The following TMEM117 variants were observed in gnomAD, a reference collection of about 807,000 sequenced individuals.
The protein encoded by TMEM117 is transmembrane protein 117.
A neutral mutation model predicts 52.4 loss-of-function variants in TMEM117; 27 were observed. That is an observed-to-expected ratio of 0.51 (90% CI 0.38 to 0.71). The LOEUF is 0.71. Among genes scored for constraint, TMEM117 ranks in the 30% least tolerant of loss-of-function variants. The pLI, the probability that TMEM117 is intolerant of heterozygous loss-of-function variation, is 0.00. For missense variants in TMEM117, 556 were observed against 630.5 expected (o/e 0.88, Z 1.26); for synonymous variants, 215 against 206.3 (o/e 1.04, Z -0.36).
At chr12:44,390,642 AT>A (rs1373813118), downstream of TMEM117, among the ~76,000 whole-genome samples, 3 of 152,094 alleles carry the variant, frequency 2.0e-5, no homozygotes, top group African/African-American at 7.2e-5. Context: ...TATTAAAAAA[AT>A]GAAAATATAT....
intron 2 of TMEM117, among the ~76,000 whole-genome samples, chr12:43,888,736 G>A (rs1944046537): frequency 6.6e-6 from 1 of 151,772 alleles, no homozygotes; most frequent in African/African-American, 2.4e-5. Flanking sequence ...TTTTAGTAGA[G>A]ACGGGGTTTC....
rs777547627 is a variant in TMEM117 at position 44,299,651 on chromosome 12, T to G, written c.680T>G (p.Leu227Arg). 2 of 1,614,254 alleles carry G rather than the reference T, an allele frequency of 1.2e-6. No individual in the cohort carries two copies. Among genetic ancestry groups the G allele is most frequent in the South Asian group, 2.2e-5 (2 of 91,090 alleles). Reference protein sequence around the residue: ...ITTDWISWDKLNRGFLPSDEV... With the variant: ...ITTDWISWDKRNRGFLPSDEV... ...ACGGACTGGATCAGCTGGGACAAGC[T>G]GAATCGGGGATTTTTGCCCAGTGAT... The change falls in exon 6 of 8, where the codon CTG becomes CGG. Residue 227 changes from leucine to arginine, a missense_variant. Leu to Arg is a moderately radical substitution (Grantham distance 102, BLOSUM62 -2). This residue lies in a region of TMEM117 where 328 missense variants were observed against 371.4 expected (regional missense o/e 0.88). Transcript: ENST00000266534.
downstream of TMEM117, among the ~76,000 whole-genome samples, chr12:44,390,687 A>G (rs1036294310): frequency 2.6e-5 from 4 of 151,984 alleles, no homozygotes; most frequent in Admixed American, 6.6e-5. Context: ...AACAAATGGA[A>G]CAATTTCCAA....
intron 6 of TMEM117, among the ~76,000 whole-genome samples, chr12:44,344,886 G>T (rs947196564): frequency 6.6e-6 from 1 of 152,006 alleles, no homozygotes; most frequent in Non-Finnish European, 1.5e-5. Flanking sequence ...GGATTGCAGG[G>T]TCTCTTATGC....
At chr12:44,305,820 G>A (rs1747219578) in intron 6 of TMEM117, among the ~76,000 whole-genome samples, 1 of 152,042 alleles carries the variant, frequency 6.6e-6, no homozygotes, top group South Asian at 2.1e-4. Context: ...ATACCCAAAG[G>A]AAAAGAAGTT....
At chr12:44,206,988 G>A (rs1274146356) in intron 4 of TMEM117, among the ~76,000 whole-genome samples, 2 of 151,962 alleles carry the variant, frequency 1.3e-5, no homozygotes, top group East Asian at 1.9e-4. Context: ...TTTTTAAAAA[G>A]GTATGATGGA....
At chr12:44,147,475 G>C (rs1488791361) in intron 4 of TMEM117, among the ~76,000 whole-genome samples, 1 of 152,092 alleles carries the variant, frequency 6.6e-6, no homozygotes, top group African/African-American at 2.4e-5. Context: ...GCTGATCTAT[G>C]CCTAATAATC....
chr12:44,123,258 G>A (rs192401099), intron 3 of TMEM117, among the ~76,000 whole-genome samples: 77 of 147,716 alleles, frequency 5.2e-4, no homozygotes, highest in East Asian at 3.5e-3. Context: ...TTTTTTTCTC[G>A]TAAATTTGTT....
intron 6 of TMEM117, among the ~76,000 whole-genome samples, chr12:44,355,690 A>G (rs1032230300): frequency 2.0e-5 from 3 of 152,176 alleles, no homozygotes; most frequent in Non-Finnish European, 2.9e-5. Context: ...ATCAAATCCT[A>G]AAGCATCCTT....
intron 3 of TMEM117, among the ~76,000 whole-genome samples, chr12:44,079,075 G>T (rs548778745): frequency 5.5e-4 from 84 of 152,126 alleles, no homozygotes; most frequent in South Asian, 1.0e-3. Flanking sequence ...AGTATCCCAT[G>T]GTGTATATGT....
At chr12:44,029,929 A>C (rs1328541512) in intron 3 of TMEM117, among the ~76,000 whole-genome samples, 1 of 152,196 alleles carries the variant, frequency 6.6e-6, no homozygotes, top group Non-Finnish European at 1.5e-5. Flanking sequence ...CCATGTGGCC[A>C]TGCTTTCTCT....
In TMEM117 at chr12:44,388,385, A is replaced by G; in HGVS notation, c.1258A>G (p.Asn420Asp). Residue 420 changes from asparagine (N) to aspartate (D), a missense_variant, in exon 8 of 8, where the codon AAT (asparagine) becomes GAT (aspartate). Coordinates refer to ENST00000266534, the MANE Select transcript of TMEM117 (RefSeq NM_032256.3). ...TTGGTTCTTTGGACGATTTTTGAAAAATGAGCCACGCATGGAGAATCAAGA... is the reference window on the plus strand; with the variant it reads ...TTGGTTCTTTGGACGATTTTTGAAAGATGAGCCACGCATGGAGAATCAAGA... The part of the protein sequence containing the change: ...FIWFFGRFLK[N>D]EPRMENQDKT... 6.2e-7 allele frequency: 1 copy of G among 1,613,510 alleles called. No individual in the cohort carries two copies. Among genetic ancestry groups the G allele is most frequent in the South Asian group, 1.1e-5 (1 of 91,080 alleles).
intron 5 of TMEM117, among the ~76,000 whole-genome samples, chr12:44,262,109 A>G (rs1305323337): frequency 6.6e-6 from 1 of 152,200 alleles, no homozygotes; most frequent in East Asian, 1.9e-4. Flanking sequence ...TGAATATTTT[A>G]TGCAAAAAGT....
chr12:44,134,460 C>T (rs980158966), intron 3 of TMEM117, among the ~76,000 whole-genome samples: 1 of 152,144 alleles, frequency 6.6e-6, no homozygotes, highest in Admixed American at 6.5e-5. Flanking sequence ...CCATATATCA[C>T]ATTTTTTAAC....
At chr12:44,004,729 C>T (rs1032416576) in intron 3 of TMEM117, among the ~76,000 whole-genome samples, 1 of 152,078 alleles carries the variant, frequency 6.6e-6, no homozygotes, top group African/African-American at 2.4e-5. Context: ...TACAAAAATT[C>T]CACCCCCAGC....
At chr12:44,267,333 G>T (rs1459592323) in intron 5 of TMEM117, among the ~76,000 whole-genome samples, 2 of 151,734 alleles carry the variant, frequency 1.3e-5, no homozygotes, top group African/African-American at 4.8e-5. Context: ...TAGTGTATAA[G>T]AAATAAAATT....
chr12:43,915,546 A>T (rs761234465), intron 2 of TMEM117, among the ~76,000 whole-genome samples: 1 of 152,170 alleles, frequency 6.6e-6, no homozygotes, highest in African/African-American at 2.4e-5. Context: ...CCAACTTTGC[A>T]TAGCTAAGTA....
At chr12:44,261,466 A>G (rs1306587819) in intron 5 of TMEM117, among the ~76,000 whole-genome samples, 1 of 152,202 alleles carries the variant, frequency 6.6e-6, no homozygotes, top group African/African-American at 2.4e-5. Context: ...CACAATGGAT[A>G]AAAAGCTTTT....
intron 2 of TMEM117, among the ~76,000 whole-genome samples, chr12:43,920,953 C>T (rs372106713): frequency 7.8e-4 from 119 of 152,176 alleles, no homozygotes; most frequent in South Asian, 3.9e-3. Context: ...TTTTGTTAGT[C>T]CTTGATCTGC....
Sources: gnomAD v4.1 joint callset for allele counts (sites outside exome capture counted in the v4.1 genomes callset) on GRCh38, gnomAD v4.1.1 for gene constraint, gnomAD v4.1.1 regional missense constraint, MANE v1.5 for transcripts, NCBI Gene and HGNC (gene_info 2026-07-23, HGNC 2026-07-21) for gene names.